Variants in CRAT observed in about 807,000 individuals in gnomAD.
The protein encoded by CRAT is carnitine O-acetyltransferase, also known as carnitine acetylase.
CRAT carries 66 observed loss-of-function variants against 73.7 expected under a neutral mutation model. The observed-to-expected ratio is 0.90, with a 90% confidence interval of 0.73 to 1.10. CRAT has a LOEUF of 1.10. Ranked by LOEUF, CRAT falls within the 50% of genes least tolerant of loss-of-function variation. The pLI, the probability that CRAT is intolerant of heterozygous loss-of-function variation, is 0.00. For missense variants in CRAT, 745 were observed against 846.9 expected, an observed-to-expected ratio of 0.88 and a Z score of 1.49; for synonymous variants, 321 against 343.2, an observed-to-expected ratio of 0.94 and a Z score of 0.71.
rs746560534 is a variant in CRAT at position 129,097,296 on chromosome 9, T to C, written c.1481A>G (p.Glu494Gly). The change falls in exon 12 of 14, where the codon GAG becomes GGG. Residue 494 changes from glutamate (E) to glycine (G), a missense_variant. Transcript: ENST00000318080. The part of the protein sequence containing the change: ...DSSVTEHQKV[E>G]LLRKAVQAHR... Reference sequence around the variant, plus strand: ...GGCCTGCACGGCCTTCCGCAGCAGCTCCACCTTCTGGTGCTCCTAGAGTGG... The same window carrying C: ...GGCCTGCACGGCCTTCCGCAGCAGCCCCACCTTCTGGTGCTCCTAGAGTGG... 1 of 1,566,694 alleles carries C rather than the reference T, an allele frequency of 6.4e-7. No homozygotes were observed.
intron 8 of CRAT, among the ~76,000 whole-genome samples, 159 bp from the exon 9 acceptor site, chr9:129,098,809 CTTTTTTCTT>C (rs1446271201): frequency 2.8e-5 from 2 of 70,932 alleles, no homozygotes; most frequent in Non-Finnish European, 4.9e-5. Flanking sequence ...GCTTTTTTTT[CTTTTTTCTT>C]TTTTTTTTTT....
rs2274477 is a variant in CRAT, at chr9:129,102,187, G to C, written c.631-130C>G. On this transcript the variant is annotated intron_variant, in intron 5 of 13. Transcript: ENST00000318080. The stretch of plus-strand genomic sequence containing the variant: ...GATGGAGTCAGGCCAAGGGTGAGAG[G>C]GGGAGGAGGTCCTTGGATCACCCTT... The C allele has an allele frequency of 1.6e-4, 189 of 1,205,896 alleles. No individual in the cohort carries two copies. The East Asian group carries it at 4.4e-3, about 28-fold the overall frequency. 74.7% of individuals were successfully genotyped at this position (1,205,896 alleles called of 1,614,324 possible).
chr9:129,104,175 C>A lies in CRAT; in HGVS notation c.410+13G>T. 2 of 1,597,146 alleles carry A rather than the reference C, an allele frequency of 1.3e-6. No individual in the cohort carries two copies. The highest frequency in any genetic ancestry group is 2.2e-5 in the South Asian group (2 of 88,906). ...CCCGGCTGCCTCCTGGCCCCCAAAC[C>A]CCAGCCACTCACCGGAGCTGACCCT... On this transcript the variant is annotated intron_variant, in intron 3 of 13. Coordinates refer to ENST00000318080, the MANE Select transcript of CRAT (RefSeq NM_000755.5).
chr9:129,095,455 T>G lies in CRAT; in HGVS notation c.1823A>C (p.Glu608Ala). 6.2e-7 allele frequency: 1 copy of G among 1,613,320 alleles called. No individual in the cohort carries two copies. The highest frequency in any genetic ancestry group is 8.5e-7 in the Non-Finnish European group (1 of 1,179,984). Residue 608 changes from glutamate to alanine, a missense_variant, in exon 14 of 14, where the codon GAG becomes GCG. By Grantham distance (107) the Glu-to-Ala change is moderately radical. Coordinates refer to ENST00000318080, the MANE Select transcript of CRAT (RefSeq NM_000755.5). ...TNAARLAHYL[E>A]KALLDMRALL... ...GGCACGCATGTCCAGGAGCGCCTTC[T>G]CCAGGTAATGCGCCAGGCGGGCGGC... is the stretch of plus-strand genomic sequence containing the variant.
rs370539416 is a variant in CRAT, at chr9:129,110,682, G to T, written c.-173C>A. The T allele has an allele frequency of 2.3e-5, 20 of 852,226 alleles. No individual in the cohort carries two copies. The highest frequency in any genetic ancestry group is 9.8e-5 in the East Asian group (3 of 30,690). The allele number at this position is 852,226 out of a possible 1,614,324, so 52.8% of individuals were successfully genotyped here. On this transcript the variant is annotated 5_prime_UTR_variant, in exon 1 of 14. Coordinates refer to ENST00000318080, the MANE Select transcript of CRAT (RefSeq NM_000755.5). The surrounding 1 kb of genome is among the most constrained non-coding windows in gnomAD (Gnocchi z 5.3). Reference sequence around the variant, plus strand: ...CAGCCCCGCGCCCACCCTCTGGGCCGAGCGGGCTGCGGGAAGGCACCCGGG... The same window carrying T: ...CAGCCCCGCGCCCACCCTCTGGGCCTAGCGGGCTGCGGGAAGGCACCCGGG...
rs1257409839 is a variant in CRAT at position 129,098,007 on chromosome 9, T to A, written c.1464+6A>T. 1 of 1,612,768 alleles carries A rather than the reference T, an allele frequency of 6.2e-7. No individual in the cohort carries two copies. The highest frequency in any genetic ancestry group is 1.1e-5 in the South Asian group (1 of 91,064). On this transcript the variant is annotated splice_donor_region_variant and intron_variant, in intron 11 of 13. Coordinates refer to ENST00000318080, the MANE Select transcript of CRAT (RefSeq NM_000755.5). ...AGCTCACCCACCCTCGCCCCAGACC[T>A]CTCACCGTGACGCTGGAGTCATCCA... is the stretch of plus-strand genomic sequence containing the variant.
intron 7 of CRAT, 90 bp downstream of exon 7, chr9:129,100,421 G>A: frequency 1.5e-6 from 2 of 1,317,938 alleles, no homozygotes; most frequent in Non-Finnish European, 2.0e-6. Flanking sequence ...GGAGGCTGGG[G>A]ACGCAGGGCC....
chr9:129,103,004 G>A lies in CRAT; in HGVS notation c.464+9C>T. 4 of 1,613,088 alleles carry A rather than the reference G, an allele frequency of 2.5e-6. No individual in the cohort carries two copies. Among genetic ancestry groups the A allele is most frequent in the Non-Finnish European group, 3.4e-6 (4 of 1,179,050 alleles). On this transcript the variant is annotated intron_variant, in intron 4 of 13. Transcript: ENST00000318080. This position sits in a 1 kb window ranked among gnomAD's most constrained non-coding sequence, Gnocchi z 4.6. The stretch of plus-strand genomic sequence containing the variant: ...AGGTGTGGGGCTGGGCAGGGGTGGG[G>A]ATGCTCACTTGTCAATCATGACCTT...
chr9:129,104,574 G>A (rs992115499), intron 2 of CRAT, among the ~76,000 whole-genome samples: 3 of 150,828 alleles, frequency 2.0e-5, no homozygotes, highest in Non-Finnish European at 2.9e-5. Flanking sequence ...GAGGAAACCC[G>A]GGGTGTGGGG....
Position 129,099,931 on chromosome 9 carries a change from C to T in CRAT, c.1020G>A (p.Val340=). 6.2e-7 allele frequency: 1 copy of T among 1,612,984 alleles called. No homozygotes were observed. The highest frequency in any genetic ancestry group is 1.1e-5 in the South Asian group (1 of 90,906). Residue 340 remains valine, a synonymous_variant, in exon 8 of 14, where the codon GTG becomes GTA. Transcript: ENST00000318080. ...IVAEDGSCGL[V]YEHAAAEGPP... is the part of the protein sequence containing the mutation. ...GCCCCTCCGCTGCAGCATGCTCGTA[C>T]ACAAGCCCACAGGAGCCATCTTCTG...
Position 129,095,537 on chromosome 9 carries a change from T to C in CRAT, c.1741A>G (p.Met581Val), listed in dbSNP as rs1847226548. Reference protein sequence around the residue: ...PDGYGVCYNPMEAHINFSLSA... With the variant: ...PDGYGVCYNPVEAHINFSLSA... ...AGGGAGAAGTTGATGTGGGCCTCCA[T>C]GGGGTTATAGCAGACACCGTAGCCG... The change falls in exon 14 of 14, where the codon ATG becomes GTG. Residue 581 changes from methionine (M) to valine (V), a missense_variant. Met to Val is a conservative substitution (Grantham distance 21). Transcript: ENST00000318080. 1.9e-6 allele frequency: 3 copies of C among 1,613,478 alleles called. No individual in the cohort carries two copies. Among genetic ancestry groups the C allele is most frequent in the Non-Finnish European group, 2.5e-6 (3 of 1,179,990 alleles).
At chr9:129,099,550 C>T (rs1847526330) in intron 8 of CRAT, among the ~76,000 whole-genome samples, 1 of 151,858 alleles carries the variant, frequency 6.6e-6, no homozygotes, top group Non-Finnish European at 1.5e-5. Flanking sequence ...CCTCAGCCTC[C>T]TGAGTAACTG....
rs763848365 is a variant in CRAT, at chr9:129,102,040, C to T, written c.648G>A (p.Val216=). 4 of 1,613,928 alleles carry T rather than the reference C, an allele frequency of 2.5e-6. No homozygotes were observed. In the South Asian group the frequency reaches 4.4e-5, roughly 18 times the overall value. ...TGAGGGGTGTCCCGTCACTGTGGTA[C>T]ACATCCAGCTCAAAAAACTGTTGGG... is the stretch of plus-strand genomic sequence containing the variant. ...VHNYQFFELD[V]YHSDGTPLTA... Residue 216 remains valine (V), a synonymous_variant, in exon 6 of 14, where the codon GTG becomes GTA. Transcript: ENST00000318080.
rs987052932 is a variant in CRAT, at chr9:129,110,079, C to G, written c.27+404G>C. The stretch of plus-strand genomic sequence containing the variant: ...CGTCTGATAAACCAAAGGAGTGTGA[C>G]CAACTGGACAGGGTCGGAGGAGTGG... On this transcript the variant is annotated intron_variant, in intron 1 of 13. Coordinates refer to ENST00000318080, the MANE Select transcript of CRAT (RefSeq NM_000755.5). This position sits in a 1 kb window ranked among gnomAD's most constrained non-coding sequence, Gnocchi z 5.3. 1.3e-5 allele frequency among the ~76,000 whole-genome samples: 2 copies of G among 152,122 alleles called. No homozygotes were observed. Among genetic ancestry groups the G allele is most frequent in the African/African-American group, 4.8e-5 (2 of 41,434 alleles).
intron 7 of CRAT, chr9:129,100,218 G>C (rs917258147): frequency 1.7e-6 from 1 of 583,418 alleles, no homozygotes. Flanking sequence ...CCATTTTACA[G>C]GTGTGGAGAG....
intron 2 of CRAT, 42 bp from the exon 3 acceptor site, chr9:129,104,348 C>G (rs779880525): frequency 1.3e-6 from 2 of 1,498,406 alleles, no homozygotes; most frequent in South Asian, 2.3e-5. Context: ...GTGCATGGGC[C>G]CTGGTGCCCC....
rs1384440953 is a variant in CRAT at position 129,108,030 on chromosome 9, G to A, written c.75C>T (p.Ser25=). 3 of 1,549,538 alleles carry A rather than the reference G, an allele frequency of 1.9e-6. No individual in the cohort carries two copies. The highest frequency in any genetic ancestry group is 2.3e-5 in the East Asian group (1 of 44,286). ...FLKPFSLMKA[S]SRFKAHQDAL... ...CATCCTGGTGTGCCTTGAAGCGGCT[G>A]GAAGCCTTCATCAAGGAGAAGGGCT... The change falls in exon 2 of 14, where the codon TCC becomes TCT. Residue 25 remains serine (S), a synonymous_variant. Coordinates refer to ENST00000318080, the MANE Select transcript of CRAT (RefSeq NM_000755.5).
Position 129,110,761 on chromosome 9 carries a change from C to G in CRAT, c.-252G>C, listed in dbSNP as rs992198825. On this transcript the variant is annotated 5_prime_UTR_variant, in exon 1 of 14. Coordinates refer to ENST00000318080, the MANE Select transcript of CRAT (RefSeq NM_000755.5). This position sits in a 1 kb window ranked among gnomAD's most constrained non-coding sequence, Gnocchi z 5.3. ...CCGGTAGCGGGCCCCGGGCGGGCAA[C>G]GGTGCCCGGGAGGTTGGCTGTGGGG... 7 of 396,566 alleles carry G rather than the reference C, an allele frequency of 1.8e-5. No homozygotes were observed. Among genetic ancestry groups the G allele is most frequent in the African/African-American group, 1.7e-4 (7 of 42,050 alleles). The allele number at this position is 396,566 out of a possible 1,614,324, so 24.6% of individuals were successfully genotyped here. A position where few individuals can be genotyped will look rare whatever the true frequency, so the allele number is the denominator to read the frequency against.
chr9:129,110,544 C>T lies in CRAT; in HGVS notation c.-35G>A. 1 of 1,568,530 alleles carries T rather than the reference C, an allele frequency of 6.4e-7. No homozygotes were observed. Among genetic ancestry groups the T allele is most frequent in the Non-Finnish European group, 8.6e-7 (1 of 1,164,386 alleles). ...CCGTCCGCGGACACGCAGTCCGCTC[C>T]GCCCCACACACCGGGCAAAGTCCGC... On this transcript the variant is annotated 5_prime_UTR_variant, in exon 1 of 14. Transcript: ENST00000318080. The surrounding 1 kb of genome is among the most constrained non-coding windows in gnomAD (Gnocchi z 5.3).
Sources: allele counts gnomAD v4.1 joint callset (sites outside exome capture counted in the v4.1 genomes callset), GRCh38; gene constraint gnomAD v4.1.1; non-coding constraint Gnocchi (gnomAD v3.1); transcripts MANE v1.5; gene names NCBI Gene and HGNC (gene_info 2026-07-23, HGNC 2026-07-21).